Variants in ZNF804A observed in about 807,000 individuals in gnomAD.
The protein encoded by ZNF804A is zinc finger protein 804A.
Under a neutral mutation model 16.5 loss-of-function variants are expected in ZNF804A, and 2 were observed. That is an observed-to-expected ratio of 0.12 (90% confidence interval 0.05 to 0.38). ZNF804A has a LOEUF of 0.38. Ranked by LOEUF, ZNF804A falls within the 10% of genes least tolerant of loss-of-function variation. The pLI is 0.99. For synonymous variants in ZNF804A, 534 were observed against 489.6 expected, an observed-to-expected ratio of 1.09 and a Z score of -1.20; for missense variants, 1,473 against 1,390.7, an observed-to-expected ratio of 1.06 and a Z score of -0.94.
At chr2:184,804,286 G>T (rs1291277640) in intron 1 of ZNF804A, among the ~76,000 whole-genome samples, 2 of 152,082 alleles carry the variant, frequency 1.3e-5, no homozygotes, top group African/African-American at 4.8e-5. Flanking sequence ...GCCAAACAAG[G>T]TGACATTCAG....
At chr2:184,851,766 G>A (rs187133656) in intron 1 of ZNF804A, among the ~76,000 whole-genome samples, 19 of 151,874 alleles carry the variant, frequency 1.3e-4, no homozygotes, top group Non-Finnish European at 2.1e-4. Context: ...TCTCCATATT[G>A]TTTTGCATAA....
At chr2:184,792,816 G>A (rs187717005) in intron 1 of ZNF804A, among the ~76,000 whole-genome samples, 65 of 152,012 alleles carry the variant, frequency 4.3e-4, no homozygotes, top group African/African-American at 1.4e-3. Context: ...TCCATGTTCA[G>A]GTTTGTTACA....
chr2:184,649,024 CACTT>C (rs1015701263), intron 1 of ZNF804A, among the ~76,000 whole-genome samples: 2 of 151,846 alleles, frequency 1.3e-5, no homozygotes, highest in African/African-American at 2.4e-5. Context: ...ATCAAATAAA[CACTT>C]AGCCACAAAG....
chr2:184,893,846 T>G (rs1208912058), intron 2 of ZNF804A, among the ~76,000 whole-genome samples: 1 of 152,150 alleles, frequency 6.6e-6, no homozygotes, highest in Non-Finnish European at 1.5e-5. Flanking sequence ...AGATATAGTT[T>G]CACTTTATTC....
intron 1 of ZNF804A, among the ~76,000 whole-genome samples, chr2:184,854,009 G>A (rs1046214392): frequency 1.2e-4 from 18 of 151,574 alleles, no homozygotes; most frequent in Non-Finnish European, 2.5e-4. Context: ...TTAAATGTTT[G>A]GTAGAATTCA....
chr2:184,825,202 G>A (rs1695142739), intron 1 of ZNF804A, among the ~76,000 whole-genome samples: 1 of 151,974 alleles, frequency 6.6e-6, no homozygotes, highest in Admixed American at 6.6e-5. Context: ...GTACAAATAG[G>A]TAGTCACAAA....
At chr2:184,864,777 G>A (rs1695849464) in intron 1 of ZNF804A, among the ~76,000 whole-genome samples, 1 of 151,672 alleles carries the variant, frequency 6.6e-6, no homozygotes, top group Non-Finnish European at 1.5e-5. Context: ...AGGAGGATAA[G>A]TGCCATTGCC....
At chr2:184,632,012 A>C (rs1231824862) in intron 1 of ZNF804A, among the ~76,000 whole-genome samples, 2 of 152,182 alleles carry the variant, frequency 1.3e-5, no homozygotes, top group Non-Finnish European at 2.9e-5. Flanking sequence ...TATAGATACA[A>C]ACACTCACTA....
At chr2:184,901,602 C>G (rs1345000015) in intron 2 of ZNF804A, among the ~76,000 whole-genome samples, 1 of 152,042 alleles carries the variant, frequency 6.6e-6, no homozygotes, top group East Asian at 1.9e-4. Flanking sequence ...TGCCATCATT[C>G]TTGGTAATAA....
At chr2:184,894,177 G>A (rs1685030992) in intron 2 of ZNF804A, among the ~76,000 whole-genome samples, 1 of 152,094 alleles carries the variant, frequency 6.6e-6, no homozygotes, top group Non-Finnish European at 1.5e-5. Context: ...AGTTACTGAT[G>A]CTATAAATAA....
At chr2:184,626,215 T>A (rs1214297511) in intron 1 of ZNF804A, among the ~76,000 whole-genome samples, 4 of 152,096 alleles carry the variant, frequency 2.6e-5, no homozygotes, top group Admixed American at 1.3e-4. Flanking sequence ...ATTTTCCAAT[T>A]TTTCTTTGTA....
At chr2:184,683,692 C>A (rs1263492169) in intron 1 of ZNF804A, among the ~76,000 whole-genome samples, 1 of 152,028 alleles carries the variant, frequency 6.6e-6, no homozygotes, top group African/African-American at 2.4e-5. Context: ...AAAAATTGTA[C>A]AATGCTGATT....
At chr2:184,749,749 G>A (rs1301147979) in intron 1 of ZNF804A, among the ~76,000 whole-genome samples, 1 of 150,974 alleles carries the variant, frequency 6.6e-6, no homozygotes, top group Non-Finnish European at 1.5e-5. Context: ...TTACTTTATG[G>A]CATTTCTTGT....
intron 1 of ZNF804A, among the ~76,000 whole-genome samples, chr2:184,719,053 C>T (rs115333902): frequency 1.1e-3 from 160 of 152,278 alleles, no homozygotes; most frequent in African/African-American, 1.4e-3. Context: ...CAGGCATTTC[C>T]GTACATCTTC....
intron 1 of ZNF804A, among the ~76,000 whole-genome samples, chr2:184,719,449 G>C (rs959982035): frequency 6.6e-6 from 1 of 152,050 alleles, no homozygotes; most frequent in Non-Finnish European, 1.5e-5. Flanking sequence ...CCAGAAAATG[G>C]GATTTTCTTT....
intron 2 of ZNF804A, among the ~76,000 whole-genome samples, chr2:184,918,443 T>A (rs953209979): frequency 6.6e-6 from 1 of 152,078 alleles, no homozygotes; most frequent in African/African-American, 2.4e-5. Context: ...GCCTGTCCCA[T>A]GTTCACCTCT....
At chr2:184,900,524 AT>A (rs1186511751) in intron 2 of ZNF804A, among the ~76,000 whole-genome samples, 1 of 151,992 alleles carries the variant, frequency 6.6e-6, no homozygotes, top group Non-Finnish European at 1.5e-5. Flanking sequence ...TAATATCAGT[AT>A]TTTTTTCTTC....
intron 1 of ZNF804A, among the ~76,000 whole-genome samples, chr2:184,833,956 A>T (rs1339094648): frequency 6.6e-6 from 1 of 152,058 alleles, no homozygotes; most frequent in Non-Finnish European, 1.5e-5. Flanking sequence ...GTAAGTAATG[A>T]ATATTTTTGG....
At chr2:184,853,854 C>T (rs964818753) in intron 1 of ZNF804A, among the ~76,000 whole-genome samples, 1 of 131,460 alleles carries the variant, frequency 7.6e-6, no homozygotes, top group African/African-American at 2.8e-5. Flanking sequence ...GGGATAGTAA[C>T]CTTAATTTTG....
Sources: gnomAD v4.1 joint callset for allele counts (sites outside exome capture counted in the v4.1 genomes callset) on GRCh38, gnomAD v4.1.1 for gene constraint, MANE v1.5 for transcripts, NCBI Gene and HGNC (gene_info 2026-07-23, HGNC 2026-07-21) for gene names.